The following TSPO2 variants were observed in gnomAD, a reference collection of about 807,000 sequenced individuals.
TSPO2 encodes the protein benzodiazapine receptor (peripheral)-like 1.
TSPO2 carries 15 observed loss-of-function variants against 13.3 expected under a neutral mutation model. The observed-to-expected ratio is 1.13, with a 90% CI of 0.75 to 1.73. The LOEUF (loss-of-function observed/expected upper bound fraction) is 1.73. TSPO2 is among the 40% of genes most tolerant of loss of function. The pLI is 0.00. For missense variants in TSPO2, 202 were observed against 198.3 expected (o/e 1.02, Z -0.11); for synonymous variants, 81 against 91.6 (o/e 0.88, Z 0.66).
rs1762605877 is a variant in TSPO2 at position 41,042,685 on chromosome 6, C to T, written c.-114C>T. 1 of 573,022 alleles carries T rather than the reference C, an allele frequency of 1.7e-6. No individual in the cohort carries two copies. Among genetic ancestry groups the T allele is most frequent in the South Asian group, 1.5e-5 (1 of 65,604 alleles). The allele number at this position is 573,022 out of a possible 1,614,324, so 35.5% of individuals were successfully genotyped here. On this transcript the variant is annotated 5_prime_UTR_variant, in exon 1 of 4. Transcript: ENST00000373161. The stretch of plus-strand genomic sequence containing the variant: ...AAGCACTTGGAGGAAGGCCTATTCA[C>T]TTAGAAGCAGTTACCAGTGCTGGGC...
In TSPO2 at chr6:41,044,164, C is replaced by G. The variant is rs770713996; in HGVS notation, c.*27C>G. 1.2e-6 allele frequency: 2 copies of G among 1,612,114 alleles called. No individual in the cohort carries two copies. Among genetic ancestry groups the G allele is most frequent in the East Asian group, 4.5e-5 (2 of 44,870 alleles). On this transcript the variant is annotated 3_prime_UTR_variant, in exon 4 of 4. Coordinates refer to ENST00000373161, the MANE Select transcript of TSPO2 (RefSeq NM_001010873.3). ...GCCCTAGGGCATGGGAGAGGAGGGA[C>G]GCCCAGGGTGGGGAGGAAGAGTCTG...
upstream of TSPO2, among the ~76,000 whole-genome samples, chr6:41,041,574 C>T (rs1257743776): frequency 1.1e-4 from 16 of 151,784 alleles, no homozygotes; most frequent in Non-Finnish European, 8.8e-5. Flanking sequence ...GATGAGCAAA[C>T]GGACAGTCAG....
At position 41,044,139 on chromosome 6, in the gene TSPO2, G is replaced by A. The variant is rs779174628; in HGVS notation, c.*2G>A. On this transcript the variant is annotated 3_prime_UTR_variant, in exon 4 of 4. Coordinates refer to ENST00000373161, the MANE Select transcript of TSPO2 (RefSeq NM_001010873.3). ...CAGCCCACGGAGAAGAGTGACTGAG[G>A]CCCTAGGGCATGGGAGAGGAGGGAC... is the stretch of plus-strand genomic sequence containing the variant. The A allele has an allele frequency of 3.1e-6, 5 of 1,613,984 alleles. No individual in the cohort carries two copies. Among genetic ancestry groups the A allele is most frequent in the Middle Eastern group, 1.6e-4 (1 of 6,084 alleles).
intron 1 of TSPO2, 89 bp downstream of exon 1, chr6:41,042,867 T>G: frequency 8.0e-7 from 1 of 1,253,076 alleles, no homozygotes; most frequent in Non-Finnish European, 1.2e-6. Flanking sequence ...AGACCTTCTC[T>G]GAGGGGCTCA....
At position 41,044,171 on chromosome 6, in the gene TSPO2, G is replaced by T. The variant is rs1345732328; in HGVS notation, c.*34G>T. On this transcript the variant is annotated 3_prime_UTR_variant, in exon 4 of 4. Coordinates refer to ENST00000373161, the MANE Select transcript of TSPO2 (RefSeq NM_001010873.3). Reference sequence around the variant, plus strand: ...GGCATGGGAGAGGAGGGACGCCCAGGGTGGGGAGGAAGAGTCTGCAAGCAG... The same window carrying T: ...GGCATGGGAGAGGAGGGACGCCCAGTGTGGGGAGGAAGAGTCTGCAAGCAG... 3 of 1,610,866 alleles carry T rather than the reference G, an allele frequency of 1.9e-6. No individual in the cohort carries two copies. Among genetic ancestry groups the T allele is most frequent in the Non-Finnish European group, 2.5e-6 (3 of 1,177,612 alleles).
chr6:41,044,107 C>G lies in TSPO2; in HGVS notation c.483C>G (p.His161Gln). The G allele has an allele frequency of 6.2e-7, 1 of 1,614,152 alleles. No homozygotes were observed. Among genetic ancestry groups the G allele is most frequent in the Non-Finnish European group, 8.5e-7 (1 of 1,180,032 alleles). ...GGAGGGACAGCCTTTGTCCAGTGCACCAGCCTCAGCCCACGGAGAAGAGTG... is the reference window on the plus strand; with the variant it reads ...GGAGGGACAGCCTTTGTCCAGTGCAGCAGCCTCAGCCCACGGAGAAGAGTG... ...HLWRDSLCPVHQPQPTEKSD is the reference protein window; with the variant it reads ...HLWRDSLCPVQQPQPTEKSD Residue 161 changes from histidine to glutamine, a missense_variant, in exon 4 of 4, where the codon CAC becomes CAG. Physicochemically the swap from His to Gln is conservative, Grantham distance 24. Coordinates refer to ENST00000373161, the MANE Select transcript of TSPO2 (RefSeq NM_001010873.3).
At position 41,043,081 on chromosome 6, in the gene TSPO2, G is replaced by A; in HGVS notation, c.96G>A (p.Glu32=). The part of the protein sequence containing the change: ...FTRDHMSGWC[E]GPRMLSWCPF... ...GTGATCACATGTCTGGTTGGTGTGAGGGCCCGAGGATGCTGTCCTGGTGCC... is the reference window on the plus strand; with the variant it reads ...GTGATCACATGTCTGGTTGGTGTGAAGGCCCGAGGATGCTGTCCTGGTGCC... The change falls in exon 2 of 4, where the codon GAG becomes GAA. Residue 32 remains glutamate, a synonymous_variant. Coordinates refer to ENST00000373161, the MANE Select transcript of TSPO2 (RefSeq NM_001010873.3). The A allele has an allele frequency of 6.2e-7, 1 of 1,614,156 alleles. No homozygotes were observed. The highest frequency in any genetic ancestry group is 8.5e-7 in the Non-Finnish European group (1 of 1,180,016).
rs771951042 is a variant in TSPO2, at chr6:41,044,145, G to C, written c.*8G>C. 5 of 1,614,052 alleles carry C rather than the reference G, an allele frequency of 3.1e-6. No homozygotes were observed. Among genetic ancestry groups the C allele is most frequent in the Non-Finnish European group, 4.2e-6 (5 of 1,179,990 alleles). On this transcript the variant is annotated 3_prime_UTR_variant, in exon 4 of 4. Transcript: ENST00000373161. Reference sequence around the variant, plus strand: ...ACGGAGAAGAGTGACTGAGGCCCTAGGGCATGGGAGAGGAGGGACGCCCAG... The same window carrying C: ...ACGGAGAAGAGTGACTGAGGCCCTACGGCATGGGAGAGGAGGGACGCCCAG...
chr6:41,044,014 G>A lies in TSPO2; in HGVS notation c.390G>A (p.Leu130=), dbSNP rs971693078. Residue 130 remains leucine (L), a synonymous_variant, in exon 4 of 4, where the codon CTG becomes CTA. Transcript: ENST00000373161. Reference sequence around the variant, plus strand: ...TGATCTGGCATCCCATCAACAAACTGGCTGCCCTGTTACTGCTGCCCTACC... The same window carrying A: ...TGATCTGGCATCCCATCAACAAACTAGCTGCCCTGTTACTGCTGCCCTACC... The part of the protein sequence containing the change: ...TALIWHPINK[L]AALLLLPYLA... 1 of 1,614,176 alleles carries A rather than the reference G, an allele frequency of 6.2e-7. No homozygotes were observed. Among genetic ancestry groups the A allele is most frequent in the Non-Finnish European group, 8.5e-7 (1 of 1,180,002 alleles).
chr6:41,044,027 C>T lies in TSPO2; in HGVS notation c.403C>T (p.Leu135=), dbSNP rs781754916. The T allele has an allele frequency of 6.2e-7, 1 of 1,614,208 alleles. No individual in the cohort carries two copies. Among genetic ancestry groups the T allele is most frequent in the Non-Finnish European group, 8.5e-7 (1 of 1,180,020 alleles). ...HPINKLAALL[L]LPYLAWLTVT... is the part of the protein sequence containing the mutation. ...CATCAACAAACTGGCTGCCCTGTTA[C>T]TGCTGCCCTACCTAGCCTGGCTCAC... The change falls in exon 4 of 4, where the codon CTG becomes TTG. Residue 135 remains leucine (L), a synonymous_variant. Transcript: ENST00000373161.
chr6:41,042,548 T>G lies in TSPO2; in HGVS notation c.-251T>G, dbSNP rs1329617568. On this transcript the variant is annotated 5_prime_UTR_variant, in exon 1 of 4. Coordinates refer to ENST00000373161, the MANE Select transcript of TSPO2 (RefSeq NM_001010873.3). ...CCTTCAGATTGTGAACTTTCCAGGT[T>G]GGTAGATCAGCTTAGGTAGAACAGT... 8.4e-6 allele frequency: 3 copies of G among 356,288 alleles called. No individual in the cohort carries two copies. The highest frequency in any genetic ancestry group is 1.7e-5 in the Non-Finnish European group (3 of 180,418). 22.1% of individuals were successfully genotyped at this position (356,288 alleles called of 1,614,324 possible). A position where few individuals can be genotyped will look rare whatever the true frequency, so the allele number is the denominator to read the frequency against.
Position 41,044,226 on chromosome 6 carries a change from GACC to G in TSPO2, c.*93_*95del, listed in dbSNP as rs1469666096. 3.5e-5 allele frequency: 49 copies of G among 1,406,206 alleles called. No individual in the cohort carries two copies. Among genetic ancestry groups the G allele is most frequent in the Non-Finnish European group, 9.9e-7 (1 of 1,007,990 alleles). 87.1% of individuals were successfully genotyped at this position (1,406,206 alleles called of 1,614,324 possible). ...GTGGAGTTAGGGTTCACCCCAATGGGACCACCCTCCTGGGTCCCCTGGTGCCGT... is the reference window on the plus strand; with the variant it reads ...GTGGAGTTAGGGTTCACCCCAATGGGACCCTCCTGGGTCCCCTGGTGCCGT... On this transcript the variant is annotated 3_prime_UTR_variant, in exon 4 of 4. Transcript: ENST00000373161.
At chr6:41,043,270 C>A in intron 2 of TSPO2, 112 bp downstream of exon 2, 1 of 1,296,606 alleles carries the variant, frequency 7.7e-7, no homozygotes, top group Admixed American at 2.3e-5. Flanking sequence ...CTTTGTCTTG[C>A]CTCTCACCAC....
chr6:41,044,302 A>C lies in TSPO2; in HGVS notation c.*165A>C. The C allele has an allele frequency of 1.6e-6, 1 of 637,704 alleles. No homozygotes were observed. Among genetic ancestry groups the C allele is most frequent in the South Asian group, 1.9e-5 (1 of 51,956 alleles). 39.5% of individuals were successfully genotyped at this position (637,704 alleles called of 1,614,324 possible). On this transcript the variant is annotated 3_prime_UTR_variant, in exon 4 of 4. Coordinates refer to ENST00000373161, the MANE Select transcript of TSPO2 (RefSeq NM_001010873.3). Reference sequence around the variant, plus strand: ...TGGGAAAGGGGGGGAAACTGATTTTACACTTAAATAATAAAATCCTATTAG... The same window carrying C: ...TGGGAAAGGGGGGGAAACTGATTTTCCACTTAAATAATAAAATCCTATTAG...
Position 41,044,141 on chromosome 6 carries a change from C to T in TSPO2, c.*4C>T. On this transcript the variant is annotated 3_prime_UTR_variant, in exon 4 of 4. Coordinates refer to ENST00000373161, the MANE Select transcript of TSPO2 (RefSeq NM_001010873.3). ...GCCCACGGAGAAGAGTGACTGAGGC[C>T]CTAGGGCATGGGAGAGGAGGGACGC... 2 of 1,613,994 alleles carry T rather than the reference C, an allele frequency of 1.2e-6. No individual in the cohort carries two copies. The highest frequency in any genetic ancestry group is 1.7e-6 in the Non-Finnish European group (2 of 1,179,972).
At position 41,042,915 on chromosome 6, in the gene TSPO2, C is replaced by T. The variant is rs745503584; in HGVS notation, c.-20-51C>T. On this transcript the variant is annotated intron_variant, in intron 1 of 3. Coordinates refer to ENST00000373161, the MANE Select transcript of TSPO2 (RefSeq NM_001010873.3). ...AGTCAGGTTAGGAGGCAGAGACAGA[C>T]GAGGAGCCGCAGGGGAAGGCTCATC... 48 of 1,572,656 alleles carry T rather than the reference C, an allele frequency of 3.1e-5. No homozygotes were observed. The Admixed American group carries it at 4.0e-4, about 13-fold the overall frequency.
chr6:41,043,791 G>T, intron 3 of TSPO2, 93 bp downstream of exon 3: 2 of 1,551,546 alleles, frequency 1.3e-6, no homozygotes, highest in African/African-American at 2.7e-5. Context: ...GCAATTGAGT[G>T]CAGGCAGGTA....
In TSPO2 at chr6:41,044,018, G is replaced by A. The variant is rs902024727; in HGVS notation, c.394G>A (p.Ala132Thr). The change falls in exon 4 of 4, where the codon GCC becomes ACC. Residue 132 changes from alanine (A) to threonine (T), a missense_variant. Physicochemically the swap from Ala to Thr is moderately conservative, Grantham distance 58 (BLOSUM62 0). Coordinates refer to ENST00000373161, the MANE Select transcript of TSPO2 (RefSeq NM_001010873.3). ...CTGGCATCCCATCAACAAACTGGCT[G>A]CCCTGTTACTGCTGCCCTACCTAGC... ...LIWHPINKLA[A>T]LLLLPYLAWL... The A allele has an allele frequency of 3.7e-6, 6 of 1,614,054 alleles. No homozygotes were observed. Among genetic ancestry groups the A allele is most frequent in the Admixed American group, 1.7e-5 (1 of 60,002 alleles).
chr6:41,043,788 A>C (rs1248803215), intron 3 of TSPO2, 90 bp downstream of exon 3: 1 of 1,551,330 alleles, frequency 6.4e-7, no homozygotes, highest in Non-Finnish European at 8.8e-7. Flanking sequence ...AGAGCAATTG[A>C]GTGCAGGCAG....
Sources: allele counts gnomAD v4.1 joint callset (sites outside exome capture counted in the v4.1 genomes callset), GRCh38; gene constraint gnomAD v4.1.1; transcripts MANE v1.5; gene names NCBI Gene and HGNC (gene_info 2026-07-23, HGNC 2026-07-21).